Variants in PKN2 observed in about 807,000 individuals in gnomAD.
PKN2 encodes the protein serine/threonine-protein kinase N2.
Under a neutral mutation model 119.1 loss-of-function variants are expected in PKN2, and 38 were observed. That is an observed-to-expected ratio of 0.32 (90% CI 0.25 to 0.42). The LOEUF (loss-of-function observed/expected upper bound fraction) is 0.42, where lower values mean the gene tolerates loss of function less well. PKN2 is among the 10% of genes least tolerant of loss of function. PKN2 has a pLI of 1.00. For synonymous variants in PKN2, 390 were observed against 384.9 expected, an observed-to-expected ratio of 1.01 and a Z score of -0.15; for missense variants, 850 against 1,165.1, an observed-to-expected ratio of 0.73 and a Z score of 3.94.
intron 18 of PKN2, among the ~76,000 whole-genome samples, chr1:88,826,434 A>AT (rs1254834977): frequency 1.3e-5 from 2 of 151,842 alleles, no homozygotes. Flanking sequence ...TTTTTATTTT[A>AT]TTTTTATTTA....
intron 3 of PKN2, among the ~76,000 whole-genome samples, chr1:88,769,091 C>G (rs946984184): frequency 6.6e-6 from 1 of 152,192 alleles, no homozygotes; most frequent in African/African-American, 2.4e-5. Context: ...ACCTAAATAC[C>G]TTCCAGTAGG....
chr1:88,786,238 A>G (rs763305816), intron 8 of PKN2, 25 bp downstream of exon 8: 3 of 1,116,018 alleles, frequency 2.7e-6, no homozygotes, highest in Non-Finnish European at 4.0e-6. Context: ...ATTTTACTTG[A>G]ATTTTAATTA....
intron 1 of PKN2, among the ~76,000 whole-genome samples, chr1:88,694,477 A>C (rs1014043146): frequency 6.6e-6 from 1 of 152,162 alleles, no homozygotes; most frequent in Non-Finnish European, 1.5e-5. Flanking sequence ...GTACTGAATA[A>C]TATCCCATTG....
At chr1:88,762,711 A>G (rs1669497699) in intron 3 of PKN2, among the ~76,000 whole-genome samples, 3 of 152,192 alleles carry the variant, frequency 2.0e-5, no homozygotes, top group Admixed American at 2.0e-4. Flanking sequence ...TGTAATAGTG[A>G]TTTGTTTGAC....
chr1:88,797,052 G>A (rs1671098906), intron 8 of PKN2, among the ~76,000 whole-genome samples: 1 of 151,988 alleles, frequency 6.6e-6, no homozygotes, highest in Non-Finnish European at 1.5e-5. Context: ...AAAATGTCAG[G>A]GCCAGGCACA....
chr1:88,741,319 G>A (rs749084601), intron 2 of PKN2, 31 bp downstream of exon 2: 2 of 1,303,140 alleles, frequency 1.5e-6, no homozygotes, highest in Non-Finnish European at 1.0e-6. Context: ...ATGTTTATAT[G>A]GTATATTAAT....
intron 1 of PKN2, among the ~76,000 whole-genome samples, chr1:88,724,427 G>A (rs1310770909): frequency 1.3e-5 from 2 of 151,902 alleles, no homozygotes; most frequent in African/African-American, 2.4e-5. Context: ...CATACTGCTC[G>A]TTTTCAAGTA....
chr1:88,829,325 G>C, intron 19 of PKN2: 2 of 511,894 alleles, frequency 3.9e-6, no homozygotes, highest in South Asian at 4.4e-5. Context: ...AAAAGTATTC[G>C]CTACACCAAC....
At chr1:88,775,407 A>G (rs938378657) in intron 6 of PKN2, among the ~76,000 whole-genome samples, 2 of 152,152 alleles carry the variant, frequency 1.3e-5, no homozygotes, top group African/African-American at 4.8e-5. Context: ...TATGCATTTA[A>G]GTTTCCTCTA....
chr1:88,806,246 C>T, intron 12 of PKN2: 2 of 457,024 alleles, frequency 4.4e-6, no homozygotes, highest in Non-Finnish European at 7.9e-6. Context: ...CCTCCGCCTC[C>T]CGGATTCAAG....
intron 3 of PKN2, among the ~76,000 whole-genome samples, chr1:88,769,660 C>T (rs1162240179): frequency 6.6e-6 from 1 of 152,026 alleles, no homozygotes; most frequent in Non-Finnish European, 1.5e-5. Context: ...CCATATATGA[C>T]AACATGGGTG....
chr1:88,748,070 A>G (rs1668838245), intron 2 of PKN2, among the ~76,000 whole-genome samples: 1 of 152,124 alleles, frequency 6.6e-6, no homozygotes, highest in Non-Finnish European at 1.5e-5. Flanking sequence ...AGATTCCCTA[A>G]TACTTGAATT....
intron 15 of PKN2, 119 bp downstream of exon 15, chr1:88,807,894 T>G: frequency 1.6e-6 from 1 of 618,762 alleles, no homozygotes; most frequent in Non-Finnish European, 2.8e-6. Flanking sequence ...AAATTAAATA[T>G]AATGTATCTA....
chr1:88,807,118 C>A (rs1671573529), intron 12 of PKN2, among the ~76,000 whole-genome samples, 195 bp from the exon 13 acceptor site: 2 of 151,864 alleles, frequency 1.3e-5, no homozygotes, highest in East Asian at 1.9e-4. Context: ...GAATTCAAGA[C>A]CTCTCTAGGC....
intron 15 of PKN2, among the ~76,000 whole-genome samples, chr1:88,809,268 A>G (rs546274472): frequency 6.6e-6 from 1 of 152,186 alleles, no homozygotes; most frequent in Non-Finnish European, 1.5e-5. Flanking sequence ...ACATGTTTAG[A>G]ATTATTTTTA....
chr1:88,752,518 G>A (rs181553455), intron 2 of PKN2, among the ~76,000 whole-genome samples: 1 of 151,932 alleles, frequency 6.6e-6, no homozygotes, highest in Non-Finnish European at 1.5e-5. Context: ...AAAATTTCGT[G>A]GAATGCAGAT....
intron 8 of PKN2, among the ~76,000 whole-genome samples, chr1:88,795,059 T>C (rs1190673546): frequency 6.6e-6 from 1 of 152,222 alleles, no homozygotes; most frequent in African/African-American, 2.4e-5. Context: ...TTTTATTTCA[T>C]TACCAGCAAC....
rs750024116 is a variant in PKN2 at position 88,786,149 on chromosome 1, A to G, written c.1217A>G (p.Gln406Arg). 2.5e-6 allele frequency: 4 copies of G among 1,613,346 alleles called. No homozygotes were observed. Among genetic ancestry groups the G allele is most frequent in the East Asian group, 4.5e-5 (2 of 44,844 alleles). Reference sequence around the variant, plus strand: ...AAGCTCGATAATACTGTGGTTGGCCAAACTAGCTGGAAACCCATTTCCAAT... The same window carrying G: ...AAGCTCGATAATACTGTGGTTGGCCGAACTAGCTGGAAACCCATTTCCAAT... ...VLKLDNTVVG[Q>R]TSWKPISNQS... Residue 406 changes from glutamine (Q) to arginine (R), a missense_variant, in exon 8 of 22, where the codon CAA becomes CGA. Transcript: ENST00000370521.
intron 6 of PKN2, among the ~76,000 whole-genome samples, chr1:88,779,616 C>G (rs1670250089): frequency 6.6e-6 from 1 of 152,056 alleles, no homozygotes; most frequent in South Asian, 2.1e-4. Context: ...TTTTGTTACA[C>G]AGACTTTCCA....
Sources: allele counts gnomAD v4.1 joint callset (sites outside exome capture counted in the v4.1 genomes callset), GRCh38; gene constraint gnomAD v4.1.1; transcripts MANE v1.5; gene names NCBI Gene and HGNC (gene_info 2026-07-23, HGNC 2026-07-21).